Variants in EPM2A observed in about 807,000 individuals in gnomAD.
The protein encoded by EPM2A is EPM2A glucan phosphatase, laforin, also known as laforin.
In EPM2A, 21 loss-of-function variants were observed where a neutral mutation model predicts 26.5. The observed-to-expected ratio is 0.79, with a 90% CI of 0.56 to 1.14. EPM2A has a LOEUF of 1.14. Ranked by LOEUF, EPM2A falls within the 50% of genes most tolerant of loss-of-function variation. EPM2A has a pLI of 0.00. For missense variants in EPM2A, 458 were observed against 440.8 expected, an observed-to-expected ratio of 1.04 and a Z score of -0.35; for synonymous variants, 217 against 177.6, an observed-to-expected ratio of 1.22 and a Z score of -1.76.
intron 1 of EPM2A, among the ~76,000 whole-genome samples, chr6:145,702,904 T>G (rs1782001364): frequency 6.6e-6 from 1 of 152,206 alleles, no homozygotes; most frequent in Admixed American, 6.5e-5. Context: ...TTGTGATCAA[T>G]GCAATTTCTC....
At chr6:145,389,558 G>A (rs1006441940) in intron 4 of EPM2A, among the ~76,000 whole-genome samples, 3 of 152,152 alleles carry the variant, frequency 2.0e-5, no homozygotes, top group Non-Finnish European at 2.9e-5. Flanking sequence ...CCTCGTGAAT[G>A]TAAGCTCCAA....
intron 2 of EPM2A, among the ~76,000 whole-genome samples, chr6:145,578,936 G>A (rs1781073840): frequency 2.0e-5 from 3 of 151,890 alleles, no homozygotes; most frequent in Admixed American, 6.6e-5. Context: ...TCACTCATAG[G>A]TGGGAATTGA....
At chr6:145,542,097 A>G (rs776751175) in intron 2 of EPM2A, among the ~76,000 whole-genome samples, 2 of 152,210 alleles carry the variant, frequency 1.3e-5, no homozygotes, top group African/African-American at 2.4e-5. Context: ...AAAGGAAAAC[A>G]TTGAGTTAGA....
intron 4 of EPM2A, among the ~76,000 whole-genome samples, chr6:145,440,831 G>A (rs1009659745): frequency 1.3e-5 from 2 of 152,210 alleles, no homozygotes; most frequent in Non-Finnish European, 2.9e-5. Context: ...CTGCCCTATG[G>A]CCTTGCAGGG....
intron 1 of EPM2A, chr6:145,705,795 A>G: frequency 2.2e-6 from 1 of 445,148 alleles, no homozygotes; most frequent in Non-Finnish European, 4.5e-6. Context: ...CCACATAACA[A>G]AGATATACTT....
intron 2 of EPM2A, among the ~76,000 whole-genome samples, chr6:145,552,967 C>T (rs1249546640): frequency 6.6e-6 from 1 of 152,016 alleles, no homozygotes; most frequent in East Asian, 1.9e-4. Context: ...AAATACTTTA[C>T]ATCTGATATG....
At chr6:145,414,512 T>C (rs1386109911) in intron 4 of EPM2A, among the ~76,000 whole-genome samples, 2 of 152,238 alleles carry the variant, frequency 1.3e-5, no homozygotes, top group South Asian at 4.1e-4. Context: ...TCTAGATTTT[T>C]CCCCGTCTTT....
chr6:145,711,086 C>A (rs1395999860), intron 1 of EPM2A, among the ~76,000 whole-genome samples: 1 of 151,956 alleles, frequency 6.6e-6, no homozygotes, highest in Non-Finnish European at 1.5e-5. Context: ...CAAACCTGCA[C>A]GTTGTGCACA....
At chr6:145,589,060 G>A (rs921805259) in intron 2 of EPM2A, among the ~76,000 whole-genome samples, 16 of 152,160 alleles carry the variant, frequency 1.1e-4, no homozygotes, top group African/African-American at 3.6e-4. Context: ...CCCTGGCTGT[G>A]ATCTAGATCT....
chr6:145,495,598 G>A (rs1205139669), intron 4 of EPM2A, among the ~76,000 whole-genome samples: 1 of 149,098 alleles, frequency 6.7e-6, no homozygotes, highest in Non-Finnish European at 1.5e-5. Flanking sequence ...TTGATTTTTA[G>A]ATGGAATCTT....
intron 4 of EPM2A, among the ~76,000 whole-genome samples, chr6:145,429,218 T>C (rs1193544748): frequency 6.6e-6 from 1 of 152,214 alleles, no homozygotes; most frequent in East Asian, 1.9e-4. Flanking sequence ...TAGAATACTG[T>C]TCACCTTAAC....
chr6:145,560,764 T>C (rs981813709), intron 2 of EPM2A, among the ~76,000 whole-genome samples: 2 of 152,130 alleles, frequency 1.3e-5, no homozygotes, highest in African/African-American at 4.8e-5. Context: ...ATGTCAGGTA[T>C]CAAAAAGCAA....
intron 4 of EPM2A, among the ~76,000 whole-genome samples, chr6:145,392,374 T>C (rs577370486): frequency 1.3e-5 from 2 of 152,266 alleles, no homozygotes; most frequent in African/African-American, 4.8e-5. Flanking sequence ...AGAGCTACCT[T>C]GAGTTAGATT....
Position 145,521,969 on chromosome 6 carries a change from T to G in EPM2A, c.341-19394A>C, listed in dbSNP as rs574717373. Among the ~76,000 whole-genome samples, 9 of 152,346 alleles carry G rather than the reference T, an allele frequency of 5.9e-5. No homozygotes were observed. The South Asian group carries it at 1.2e-3, about 21-fold the overall frequency. ...TATAAGTATTGCATGTTTGTTTTGT[T>G]TGAGACGGAGTCTCCCTCTGTCGCC... On this transcript the variant is annotated intron_variant, in intron 2 of 3. Coordinates refer to the EPM2A transcript ENST00000450221.
chr6:145,619,521 G>C lies in EPM2A; in HGVS notation c.340+15724C>G, dbSNP rs1775585849. Among the ~76,000 whole-genome samples, 4 of 152,342 alleles carry C rather than the reference G, an allele frequency of 2.6e-5. 1 individual carries two copies. The South Asian group carries it at 8.3e-4, about 32-fold the overall frequency. On this transcript the variant is annotated intron_variant, in intron 2 of 3. Transcript: ENST00000450221. ...GACTCAGAATACCTTATGAGGGGAT[G>C]CAGTACTGCAGGAGAGCTGGGCACT...
At chr6:145,434,263 TC>T (rs1582751920) in intron 4 of EPM2A, among the ~76,000 whole-genome samples, 5 of 149,914 alleles carry the variant, frequency 3.3e-5, no homozygotes, top group Non-Finnish European at 7.4e-5. Context: ...TATCTCTCTC[TC>T]TCTTTTTTTT....
At chr6:145,502,197 G>A (rs567374702) in intron 3 of EPM2A, among the ~76,000 whole-genome samples, 13 of 152,338 alleles carry the variant, frequency 8.5e-5, no homozygotes, top group African/African-American at 3.1e-4. Context: ...AACTGTGAAG[G>A]AGATTATTTA....
At chr6:145,494,012 A>G (rs1779787897) in intron 4 of EPM2A, among the ~76,000 whole-genome samples, 1 of 152,192 alleles carries the variant, frequency 6.6e-6, no homozygotes, top group African/African-American at 2.4e-5. Context: ...TAAGTTAGGG[A>G]GCAGTCCCTC....
chr6:145,442,148 G>A (rs917942928), intron 4 of EPM2A, among the ~76,000 whole-genome samples: 2 of 152,082 alleles, frequency 1.3e-5, no homozygotes, highest in Non-Finnish European at 2.9e-5. Context: ...CAGCATTTTG[G>A]TCAAAGCCAT....
Sources: allele counts gnomAD v4.1 joint callset (sites outside exome capture counted in the v4.1 genomes callset), GRCh38; gene constraint gnomAD v4.1.1; transcripts MANE v1.5; gene names NCBI Gene and HGNC (gene_info 2026-07-23, HGNC 2026-07-21).